NDUFB7: variants seen among roughly 807,000 people sequenced by gnomAD.
NDUFB7 encodes NADH:ubiquinone oxidoreductase subunit B7.
NDUFB7 carries 18 observed loss-of-function variants against 14.7 expected under a neutral mutation model. The ratio of observed to expected loss-of-function variants is 1.22; its 90% CI spans 0.85 to 1.81. The LOEUF (loss-of-function observed/expected upper bound fraction) is 1.81. Among genes scored for constraint, NDUFB7 ranks in the 40% most tolerant of loss-of-function variants. NDUFB7 has a pLI of 0.00. For synonymous variants in NDUFB7, 86 were observed against 76.1 expected, an observed-to-expected ratio of 1.13 and a Z score of -0.68; for missense variants, 219 against 195.0, an observed-to-expected ratio of 1.12 and a Z score of -0.73.
rs1298911689 is a variant in NDUFB7, at chr19:14,567,164, A to C, written c.113-231T>G. 6.6e-6 allele frequency among the ~76,000 whole-genome samples: 1 copy of C among 152,062 alleles called. No homozygotes were observed. The highest frequency in any genetic ancestry group is 6.6e-5 in the Admixed American group (1 of 15,264). On this transcript the variant is annotated intron_variant, in intron 1 of 2. Transcript: ENST00000215565. The surrounding 1 kb of genome is among the most constrained non-coding windows in gnomAD (Gnocchi z 5.1). ...CAGACACCAAGGGCCAGACAGGAGA[A>C]GGTGGCTCCCCATCACCCTGAGGCA... is the stretch of plus-strand genomic sequence containing the variant.
Position 14,567,279 on chromosome 19 carries a change from T to C in NDUFB7, c.113-346A>G, listed in dbSNP as rs569391147. On this transcript the variant is annotated intron_variant, in intron 1 of 2. Coordinates refer to ENST00000215565, the MANE Select transcript of NDUFB7 (RefSeq NM_004146.6). The surrounding 1 kb of genome is among the most constrained non-coding windows in gnomAD (Gnocchi z 5.1). ...CAGCCCCGCTCTCCAGAGTCCGAGT[T>C]CAGAATCCACCTTCTCCCAGAGTAA... is the stretch of plus-strand genomic sequence containing the variant. Among the ~76,000 whole-genome samples, 31 of 152,086 alleles carry C rather than the reference T, an allele frequency of 2.0e-4. No homozygotes were observed. The East Asian group carries it at 6.0e-3, about 29-fold the overall frequency.
At chr19:14,569,260 C>T (rs148271881) in intron 1 of NDUFB7, among the ~76,000 whole-genome samples, 102 of 152,098 alleles carry the variant, frequency 6.7e-4, no homozygotes, top group African/African-American at 2.2e-3. Flanking sequence ...GAGTACCAAT[C>T]GGGAGACCGG....
chr19:14,566,791 G>T lies in NDUFB7; in HGVS notation c.255C>A (p.His85Gln). The T allele has an allele frequency of 6.5e-7, 1 of 1,545,994 alleles. No homozygotes were observed. Among genetic ancestry groups the T allele is most frequent in the Non-Finnish European group, 8.7e-7 (1 of 1,146,764 alleles). Residue 85 changes from histidine to glutamine, a missense_variant, in exon 2 of 3, where the codon CAC becomes CAA. Coordinates refer to ENST00000215565, the MANE Select transcript of NDUFB7 (RefSeq NM_004146.6). Reference protein sequence around the residue: ...PNFLACKQERHDWDYCEHRDY... With the variant: ...PNFLACKQERQDWDYCEHRDY... ...CGCGGTGCTCGCAGTAGTCCCAGTC[G>T]TGCCGCTCCTGCTTGCAGGCCAGGA... is the stretch of plus-strand genomic sequence containing the variant.
intron 1 of NDUFB7, among the ~76,000 whole-genome samples, chr19:14,569,196 G>C (rs945304866): frequency 6.6e-6 from 1 of 152,022 alleles, no homozygotes; most frequent in Non-Finnish European, 1.5e-5. Context: ...GGGAGGGAGA[G>C]AGTGAAGGAT....
chr19:14,568,389 G>A (rs560279950), intron 1 of NDUFB7, among the ~76,000 whole-genome samples: 3 of 152,116 alleles, frequency 2.0e-5, no homozygotes, highest in East Asian at 1.9e-4. Flanking sequence ...AGATGAGCCC[G>A]ATGTGGTCCC....
chr19:14,571,657 C>G (rs890862888), intron 1 of NDUFB7, among the ~76,000 whole-genome samples: 5 of 152,276 alleles, frequency 3.3e-5, no homozygotes, highest in South Asian at 2.1e-4. Context: ...CCCGAACCCC[C>G]ACTTGTCGCC....
chr19:14,571,602 GA>G (rs35596195), intron 1 of NDUFB7, among the ~76,000 whole-genome samples: 64,172 of 146,128 alleles, frequency 0.44, 13,831 homozygotes, highest in African/African-American at 0.5. Flanking sequence ...CGTCTCAAAA[GA>G]AAAAAAAAAA....
Position 14,566,091 on chromosome 19 carries a change from A to G in NDUFB7, c.*42T>C. On this transcript the variant is annotated 3_prime_UTR_variant, in exon 3 of 3. Transcript: ENST00000215565. Reference sequence around the variant, plus strand: ...AGGGGACTCTGGTTGAGGGGCCTGAAGGCTTTTATTTGACTGGTCCATAGG... The same window carrying G: ...AGGGGACTCTGGTTGAGGGGCCTGAGGGCTTTTATTTGACTGGTCCATAGG... The G allele has an allele frequency of 6.3e-7, 1 of 1,583,800 alleles. No homozygotes were observed. The highest frequency in any genetic ancestry group is 1.1e-5 in the South Asian group (1 of 87,980).
chr19:14,571,819 C>T, intron 1 of NDUFB7, 70 bp downstream of exon 1: 1 of 1,424,690 alleles, frequency 7.0e-7, no homozygotes, highest in Non-Finnish European at 9.7e-7. Context: ...GGGGTGCCAG[C>T]CCTGGGGTGC....
At position 14,567,993 on chromosome 19, in the gene NDUFB7, C is replaced by T. The variant is rs559106869; in HGVS notation, c.113-1060G>A. On this transcript the variant is annotated intron_variant, in intron 1 of 2. Transcript: ENST00000215565. The surrounding 1 kb of genome is among the most constrained non-coding windows in gnomAD (Gnocchi z 5.1). Reference sequence around the variant, plus strand: ...GTGGCTCCTCCCACATCCCTCCTCCCCAGGTTTCCTCCCATCTCTATGGCT... The same window carrying T: ...GTGGCTCCTCCCACATCCCTCCTCCTCAGGTTTCCTCCCATCTCTATGGCT... 6.1e-4 allele frequency among the ~76,000 whole-genome samples: 93 copies of T among 152,324 alleles called. No individual in the cohort carries two copies. Among genetic ancestry groups the T allele is most frequent in the African/African-American group, 2.2e-3 (91 of 41,586 alleles).
At chr19:14,568,368 G>A (rs367594863) in intron 1 of NDUFB7, among the ~76,000 whole-genome samples, 8 of 152,026 alleles carry the variant, frequency 5.3e-5, no homozygotes, top group African/African-American at 1.7e-4. Context: ...CTCTGCTGCC[G>A]CCCCGTATGT....
chr19:14,566,126 GCACCCCCTACAGGGC>G lies in NDUFB7; in HGVS notation c.406_*6del. 2.5e-6 allele frequency: 4 copies of G among 1,606,698 alleles called. No homozygotes were observed. Among genetic ancestry groups the G allele is most frequent in the Non-Finnish European group, 3.4e-6 (4 of 1,176,578 alleles). On this transcript the variant is annotated stop_lost and 3_prime_UTR_variant, in exon 3 of 3. Transcript: ENST00000215565. Reference sequence around the variant, plus strand: ...TTGACTGGTCCATAGGGTGGGGGGTGCACCCCCTACAGGGCCACCTTGGGGTCCACTTCCCCGGGT... The same window carrying G: ...TTGACTGGTCCATAGGGTGGGGGGTGCACCTTGGGGTCCACTTCCCCGGGT...
At position 14,567,038 on chromosome 19, in the gene NDUFB7, G is replaced by T; in HGVS notation, c.113-105C>A. On this transcript the variant is annotated intron_variant, in intron 1 of 2. Coordinates refer to ENST00000215565, the MANE Select transcript of NDUFB7 (RefSeq NM_004146.6). This position sits in a 1 kb window ranked among gnomAD's most constrained non-coding sequence, Gnocchi z 5.1. ...CGGCTTCAGGAAGGCACGGCTTGGG[G>T]TGTCCCCCATTCACATCCAGATGGC... is the stretch of plus-strand genomic sequence containing the variant. 1 of 1,207,910 alleles carries T rather than the reference G, an allele frequency of 8.3e-7. No homozygotes were observed. 74.8% of individuals were successfully genotyped at this position (1,207,910 alleles called of 1,614,324 possible). A position where few individuals can be genotyped will look rare whatever the true frequency, so the allele number is the denominator to read the frequency against.
Position 14,566,223 on chromosome 19 carries a change from C to G in NDUFB7, c.324G>C (p.Leu108=). The G allele has an allele frequency of 6.2e-7, 1 of 1,614,114 alleles. No individual in the cohort carries two copies. Among genetic ancestry groups the G allele is most frequent in the African/African-American group, 1.3e-5 (1 of 75,066 alleles). The change falls in exon 3 of 3, where the codon CTG becomes CTC. Residue 108 remains leucine (L), a synonymous_variant. Coordinates refer to ENST00000215565, the MANE Select transcript of NDUFB7 (RefSeq NM_004146.6). ...RMKEFERERR[L]LQRKKRREKK... ...TCTCCCGCCGCTTCTTCCGCTGGAGCAGCCTCCGCTCCCGCTCAAACTCCT... is the reference window on the plus strand; with the variant it reads ...TCTCCCGCCGCTTCTTCCGCTGGAGGAGCCTCCGCTCCCGCTCAAACTCCT...
intron 1 of NDUFB7, among the ~76,000 whole-genome samples, chr19:14,569,157 AAG>A (rs1195334771): frequency 6.6e-6 from 1 of 151,988 alleles, no homozygotes; most frequent in African/African-American, 2.4e-5. Context: ...GAAAGGAGGA[AAG>A]AGAGGGCAGG....
rs1407631372 is a variant in NDUFB7 at position 14,567,078 on chromosome 19, G to C, written c.113-145C>G. On this transcript the variant is annotated intron_variant, in intron 1 of 2. Transcript: ENST00000215565. This position sits in a 1 kb window ranked among gnomAD's most constrained non-coding sequence, Gnocchi z 5.1. Reference sequence around the variant, plus strand: ...ATCCAGATGGCAGTGGATGGCAGATGCCTTTGACGGATGCACTGTCCTGAA... The same window carrying C: ...ATCCAGATGGCAGTGGATGGCAGATCCCTTTGACGGATGCACTGTCCTGAA... 1 of 802,954 alleles carries C rather than the reference G, an allele frequency of 1.2e-6. No homozygotes were observed. Among genetic ancestry groups the C allele is most frequent in the East Asian group, 2.7e-5 (1 of 37,124 alleles). 49.7% of individuals were successfully genotyped at this position (802,954 alleles called of 1,614,324 possible). A position where few individuals can be genotyped will look rare whatever the true frequency, so the allele number is the denominator to read the frequency against.
intron 1 of NDUFB7, among the ~76,000 whole-genome samples, chr19:14,569,479 G>A (rs112976371): frequency 0.013 from 1,967 of 151,828 alleles, 50 homozygotes; most frequent in African/African-American, 0.045. Context: ...TTATCTCCCC[G>A]CCCCCCATTA....
intron 1 of NDUFB7, among the ~76,000 whole-genome samples, chr19:14,568,880 A>G (rs747231425): frequency 5.9e-5 from 9 of 152,066 alleles, no homozygotes; most frequent in Non-Finnish European, 1.3e-4. Context: ...CTACAAACAA[A>G]TAAATAAATA....
chr19:14,572,032 C>T lies in NDUFB7; in HGVS notation c.-32G>A. 1.3e-6 allele frequency: 2 copies of T among 1,518,502 alleles called. No homozygotes were observed. Among genetic ancestry groups the T allele is most frequent in the African/African-American group, 1.4e-5 (1 of 72,664 alleles). The allele number at this position is 1,518,502 out of a possible 1,614,324, so 94.1% of individuals were successfully genotyped here. A position where few individuals can be genotyped will look rare whatever the true frequency, so the allele number is the denominator to read the frequency against. On this transcript the variant is annotated 5_prime_UTR_variant, in exon 1 of 3. Transcript: ENST00000215565. ...AGTCGCTGCAGATCCCTGCAGCAGC[C>T]GAGGGTCACCTAGCTCCTACCCGGA...
Sources: allele counts gnomAD v4.1 joint callset (sites outside exome capture counted in the v4.1 genomes callset), GRCh38; gene constraint gnomAD v4.1.1; non-coding constraint Gnocchi (gnomAD v3.1); transcripts MANE v1.5; gene names NCBI Gene and HGNC (gene_info 2026-07-23, HGNC 2026-07-21).